Variants in CHL1 observed in about 807,000 individuals in gnomAD.
CHL1 encodes neural cell adhesion molecule L1-like protein.
A neutral mutation model predicts 141.9 loss-of-function variants in CHL1; 96 were observed. That is an observed-to-expected ratio of 0.68 (90% CI 0.57 to 0.80). CHL1 has a LOEUF of 0.80. Among genes scored for constraint, CHL1 ranks in the 30% least tolerant of loss-of-function variants. The probability of loss-of-function intolerance (pLI) is 0.00; values close to 1 mark genes in which losing one functional copy is unlikely to be tolerated. For missense variants in CHL1, 1,820 were observed against 1,457.2 expected, an observed-to-expected ratio of 1.25 and a Z score of -4.05; for synonymous variants, 613 against 502.2, an observed-to-expected ratio of 1.22 and a Z score of -2.95.
chr3:274,984 A>G (rs1022664546), intron 2 of CHL1, among the ~76,000 whole-genome samples: 11 of 152,264 alleles, frequency 7.2e-5, no homozygotes, highest in African/African-American at 2.7e-4. Flanking sequence ...CTCTTTTCTA[A>G]CTAAGCATTT....
chr3:367,842 C>CAT (rs971383039), intron 15 of CHL1, among the ~76,000 whole-genome samples: 5 of 152,118 alleles, frequency 3.3e-5, no homozygotes, highest in Admixed American at 6.5e-5. Context: ...TCTCTGTGTC[C>CAT]ATATGTTCTC....
At chr3:231,512 AAAG>A (rs1701848725) in intron 1 of CHL1, among the ~76,000 whole-genome samples, 2 of 152,144 alleles carry the variant, frequency 1.3e-5, no homozygotes, top group East Asian at 3.8e-4. Flanking sequence ...TTTAATAAAA[AAAG>A]AAGTTTATAT....
chr3:237,757 T>A (rs1042947994), intron 1 of CHL1, among the ~76,000 whole-genome samples: 9 of 152,204 alleles, frequency 5.9e-5, no homozygotes, highest in Non-Finnish European at 8.8e-5. Context: ...ACTAAATTAT[T>A]AAATATGACA....
Position 406,244 on chromosome 3 carries a change from A to C in CHL1, c.*533A>C, listed in dbSNP as rs1559369664. On this transcript the variant is annotated 3_prime_UTR_variant, in exon 28 of 28. Coordinates refer to ENST00000256509, the MANE Select transcript of CHL1 (RefSeq NM_006614.4). ...CTAAATTTATTATTTAAATTTTACTAGCAAAAGTCTTAGGTGAACAATCAA... is the reference window on the plus strand; with the variant it reads ...CTAAATTTATTATTTAAATTTTACTCGCAAAAGTCTTAGGTGAACAATCAA... 2 of 152,428 alleles carry C rather than the reference A, an allele frequency of 1.3e-5. No homozygotes were observed. Among genetic ancestry groups the C allele is most frequent in the African/African-American group, 4.8e-5 (2 of 41,464 alleles). 9.4% of individuals were successfully genotyped at this position (152,428 alleles called of 1,614,324 possible).
intron 2 of CHL1, among the ~76,000 whole-genome samples, chr3:268,584 T>C (rs931923085): frequency 6.6e-6 from 1 of 151,940 alleles, no homozygotes; most frequent in African/African-American, 2.4e-5. Context: ...AAATAATGAC[T>C]AGCTTATGCT....
chr3:390,864 C>G, intron 21 of CHL1, 48 bp downstream of exon 21: 1 of 1,500,740 alleles, frequency 6.7e-7, no homozygotes, highest in Non-Finnish European at 9.3e-7. Flanking sequence ...TGGTATCTTT[C>G]CTGAGAATAA....
At chr3:314,870 C>T (rs114301330) in intron 2 of CHL1, among the ~76,000 whole-genome samples, 186 of 152,178 alleles carry the variant, frequency 1.2e-3, no homozygotes, top group African/African-American at 4.0e-3. Flanking sequence ...GCTACAAAGT[C>T]TTATTACAGA....
chr3:398,462 A>G, intron 25 of CHL1, 77 bp downstream of exon 25: 1 of 798,096 alleles, frequency 1.3e-6, no homozygotes, highest in Non-Finnish European at 1.9e-6. Flanking sequence ...CCTGTGTCCT[A>G]TATTAAACAT....
chr3:256,508 T>C (rs1694189401), intron 2 of CHL1, among the ~76,000 whole-genome samples: 1 of 152,214 alleles, frequency 6.6e-6, no homozygotes, highest in African/African-American at 2.4e-5. Flanking sequence ...GAGCATTTGG[T>C]AACATTTGGA....
At chr3:348,330 T>C (rs559664632) in intron 9 of CHL1, among the ~76,000 whole-genome samples, 1 of 152,282 alleles carries the variant, frequency 6.6e-6, no homozygotes, top group East Asian at 1.9e-4. Flanking sequence ...AACCTACAGC[T>C]ACTAATAACA....
At position 336,835 on chromosome 3, in the gene CHL1, A is replaced by G. The variant is rs77709326; in HGVS notation, c.386-3959A>G. Among the ~76,000 whole-genome samples, 539 of 152,290 alleles carry G rather than the reference A, an allele frequency of 3.5e-3. 5 individuals are homozygous for G. Among genetic ancestry groups the G allele is most frequent in the African/African-American group, 0.012 (503 of 41,558 alleles). ...CATCTGAAGTCATAGAGCTCCTGCA[A>G]ATTTTGTATCTGCAGGTTGGTTGTG... On this transcript the variant is annotated intron_variant, in intron 5 of 27. Transcript: ENST00000256509.
intron 1 of CHL1, chr3:197,631 G>C (rs575393025): frequency 1.9e-4 from 48 of 257,540 alleles, no homozygotes; most frequent in African/African-American, 1.1e-3. Flanking sequence ...ATCCCAGCCC[G>C]GGGGGGGTTC....
intron 16 of CHL1, among the ~76,000 whole-genome samples, chr3:379,752 T>C (rs1029813970): frequency 2.0e-5 from 3 of 152,300 alleles, no homozygotes; most frequent in Admixed American, 6.5e-5. Context: ...TACCAGTGTT[T>C]ACAGAATAAA....
At chr3:382,150 T>G (rs946948325) in intron 16 of CHL1, 29 bp from the exon 17 acceptor site, 8 of 1,576,630 alleles carry the variant, frequency 5.1e-6, no homozygotes, top group Non-Finnish European at 7.0e-6. Flanking sequence ...AAGGCAATTA[T>G]CTACATTTTC....
intron 19 of CHL1, among the ~76,000 whole-genome samples, chr3:387,615 A>C (rs1707860035): frequency 6.6e-6 from 1 of 152,238 alleles, no homozygotes; most frequent in Admixed American, 6.5e-5. Flanking sequence ...TAAAATGAAT[A>C]ATATTATTTG....
Position 342,147 on chromosome 3 carries a change from C to G in CHL1, c.679+65C>G, listed in dbSNP as rs1702392692. 2.1e-6 allele frequency: 3 copies of G among 1,425,022 alleles called. No individual in the cohort carries two copies. In the Admixed American group the frequency reaches 5.7e-5, roughly 27 times the overall value. The allele number at this position is 1,425,022 out of a possible 1,614,324, so 88.3% of individuals were successfully genotyped here. A position where few individuals can be genotyped will look rare whatever the true frequency, so the allele number is the denominator to read the frequency against. ...ATGCAAATGTGTCTGTAATTTCCTT[C>G]TGGCTGAAGCCATTTAAAGCTGGGT... On this transcript the variant is annotated intron_variant, in intron 7 of 27. Coordinates refer to ENST00000256509, the MANE Select transcript of CHL1 (RefSeq NM_006614.4).
intron 2 of CHL1, among the ~76,000 whole-genome samples, chr3:296,149 A>G (rs1029368900): frequency 6.6e-6 from 1 of 152,126 alleles, no homozygotes; most frequent in African/African-American, 2.4e-5. Flanking sequence ...GCATCAGCTG[A>G]AACTTCATTT....
chr3:291,504 A>G (rs561879970), intron 2 of CHL1, among the ~76,000 whole-genome samples: 45 of 151,324 alleles, frequency 3.0e-4, no homozygotes, highest in Non-Finnish European at 4.3e-4. Context: ...CAGTATAAAG[A>G]AGCCTGATCA....
chr3:278,951 G>A (rs942980898), intron 2 of CHL1, among the ~76,000 whole-genome samples: 15 of 152,158 alleles, frequency 9.9e-5, no homozygotes, highest in Admixed American at 2.0e-4. Flanking sequence ...CCTTTCGAAT[G>A]GTTTCAAGCA....
Sources: allele counts gnomAD v4.1 joint callset (sites outside exome capture counted in the v4.1 genomes callset), GRCh38; gene constraint gnomAD v4.1.1; transcripts MANE v1.5; gene names NCBI Gene and HGNC (gene_info 2026-07-23, HGNC 2026-07-21).